Variants in ELOVL7 observed in about 807,000 individuals in gnomAD.
ELOVL7 encodes very long chain fatty acid elongase 7.
In ELOVL7, 27 loss-of-function variants were observed where a neutral mutation model predicts 35.7. The ratio of observed to expected loss-of-function variants is 0.76; its 90% CI spans 0.56 to 1.04. The LOEUF (loss-of-function observed/expected upper bound fraction) is 1.04. Ranked by LOEUF, ELOVL7 falls within the 50% of genes least tolerant of loss-of-function variation. The pLI is 0.00. For synonymous variants in ELOVL7, 113 were observed against 114.6 expected (o/e 0.99, Z 0.09); for missense variants, 327 against 340.8 (o/e 0.96, Z 0.32).
chr5:60,824,566 C>T (rs1746065181), intron 1 of ELOVL7, among the ~76,000 whole-genome samples: 1 of 152,210 alleles, frequency 6.6e-6, no homozygotes, highest in Non-Finnish European at 1.5e-5. Context: ...ATAGGGGAAT[C>T]CTGGCCAGTC....
intron 1 of ELOVL7, among the ~76,000 whole-genome samples, chr5:60,817,387 T>C (rs1262280765): frequency 6.6e-6 from 1 of 151,350 alleles, no homozygotes; most frequent in African/African-American, 2.4e-5. Context: ...TAAATTAGAG[T>C]GAAATATCAT....
intron 1 of ELOVL7, among the ~76,000 whole-genome samples, chr5:60,842,289 G>A (rs748076918): frequency 1.3e-5 from 2 of 152,076 alleles, no homozygotes; most frequent in South Asian, 2.1e-4. Flanking sequence ...ACGGCACCTT[G>A]GAGACCAGGA....
At chr5:60,820,171 C>G (rs1699237751) in intron 1 of ELOVL7, among the ~76,000 whole-genome samples, 1 of 152,074 alleles carries the variant, frequency 6.6e-6, no homozygotes, top group Admixed American at 6.5e-5. Context: ...TGTCCTACAG[C>G]CACAAAAAAA....
At chr5:60,778,693 C>G (rs1743057737) in intron 3 of ELOVL7, among the ~76,000 whole-genome samples, 1 of 152,138 alleles carries the variant, frequency 6.6e-6, no homozygotes, top group South Asian at 2.1e-4. Flanking sequence ...GGTGGGGATA[C>G]AGTCAAACCA....
At chr5:60,791,043 C>T (rs1743905943) in intron 2 of ELOVL7, among the ~76,000 whole-genome samples, 1 of 152,122 alleles carries the variant, frequency 6.6e-6, no homozygotes, top group Non-Finnish European at 1.5e-5. Context: ...ACTTAGAGAG[C>T]TTGACTCACT....
intron 1 of ELOVL7, among the ~76,000 whole-genome samples, chr5:60,813,966 G>A (rs1227324332): frequency 6.6e-6 from 1 of 152,128 alleles, no homozygotes; most frequent in Non-Finnish European, 1.5e-5. Context: ...TTCCTGCCAT[G>A]GGAACTTTGC....
chr5:60,816,652 G>A lies in ELOVL7; in HGVS notation c.-85-17422C>T, dbSNP rs146998260. Among the ~76,000 whole-genome samples the A allele has an allele frequency of 7.9e-5, 12 of 152,294 alleles. No homozygotes were observed. In the East Asian group the frequency reaches 9.6e-4, roughly 12 times the overall value. ...CCTTGGAAAAATGTACAATGATAAT[G>A]CCATGGCAGCTTCTCTTCCAGTTGA... On this transcript the variant is annotated intron_variant, in intron 1 of 8. Coordinates refer to ENST00000508821, the MANE Select transcript of ELOVL7 (RefSeq NM_024930.3).
intron 3 of ELOVL7, among the ~76,000 whole-genome samples, chr5:60,786,955 T>C (rs1359826306): frequency 6.7e-6 from 1 of 149,790 alleles, no homozygotes; most frequent in Non-Finnish European, 1.5e-5. Context: ...TGAGACTCTG[T>C]CTTAAAAAAA....
At chr5:60,789,843 G>C (rs568417349) in intron 2 of ELOVL7, among the ~76,000 whole-genome samples, 105 of 152,224 alleles carry the variant, frequency 6.9e-4, no homozygotes, top group African/African-American at 2.5e-3. Context: ...ATCACTATTT[G>C]AAAAAAGCAA....
intron 1 of ELOVL7, among the ~76,000 whole-genome samples, chr5:60,814,436 A>T (rs1745406927): frequency 6.6e-6 from 1 of 152,172 alleles, no homozygotes; most frequent in Non-Finnish European, 1.5e-5. Context: ...CAGTACAACT[A>T]GGCACATCCC....
rs547215638 is a variant in ELOVL7 at position 60,788,522 on chromosome 5, C to T, written c.-34-1091G>A. ...GGGTGCAGTGGCTCACACCTGTAATCCCAGCACTTTGGGAGACCAAGACAG... is the reference window on the plus strand; with the variant it reads ...GGGTGCAGTGGCTCACACCTGTAATTCCAGCACTTTGGGAGACCAAGACAG... On this transcript the variant is annotated intron_variant, in intron 2 of 8. Transcript: ENST00000508821. Among the ~76,000 whole-genome samples the T allele has an allele frequency of 1.5e-4, 23 of 152,212 alleles. No homozygotes were observed. The South Asian group carries it at 4.8e-3, about 32-fold the overall frequency.
In ELOVL7 at chr5:60,754,843, G is replaced by A; in HGVS notation, c.637-10C>T. 6.2e-7 allele frequency: 1 copy of A among 1,607,878 alleles called. No individual in the cohort carries two copies. The highest frequency in any genetic ancestry group is 1.7e-5 in the Admixed American group (1 of 59,180). On this transcript the variant is annotated splice_polypyrimidine_tract_variant and intron_variant, in intron 8 of 8. Transcript: ENST00000508821. ...CAATAACAAACTGGACCTAAGAAAT[G>A]AAAACGTGAAAAAAAATTATTCAGA...
intron 3 of ELOVL7, among the ~76,000 whole-genome samples, chr5:60,782,400 A>G (rs1282455438): frequency 6.6e-6 from 1 of 152,226 alleles, no homozygotes; most frequent in Non-Finnish European, 1.5e-5. Flanking sequence ...ACTTCCAGAT[A>G]TATATCCAAA....
intron 3 of ELOVL7, among the ~76,000 whole-genome samples, chr5:60,778,458 G>A (rs1282313184): frequency 2.0e-5 from 3 of 152,106 alleles, no homozygotes; most frequent in Non-Finnish European, 2.9e-5. Flanking sequence ...CCTGGGAGAC[G>A]TCAGGAAACT....
intron 3 of ELOVL7, among the ~76,000 whole-genome samples, chr5:60,783,694 C>A (rs1452709407): frequency 1.3e-5 from 2 of 152,126 alleles, no homozygotes; most frequent in Non-Finnish European, 2.9e-5. Flanking sequence ...GCAAGGCACA[C>A]CTCTATTTGA....
intron 1 of ELOVL7, among the ~76,000 whole-genome samples, chr5:60,821,449 C>T (rs1745883236): frequency 6.6e-6 from 1 of 152,228 alleles, no homozygotes; most frequent in Non-Finnish European, 1.5e-5. Context: ...TCAGCAAGCC[C>T]AAGTGCTCCT....
chr5:60,790,076 G>T (rs1410328437), intron 2 of ELOVL7, among the ~76,000 whole-genome samples: 1 of 152,076 alleles, frequency 6.6e-6, no homozygotes, highest in Admixed American at 6.6e-5. Context: ...GGCAGAGGTT[G>T]CAGTGAGCCA....
chr5:60,828,642 C>T (rs1289981673), intron 1 of ELOVL7, among the ~76,000 whole-genome samples: 1 of 152,098 alleles, frequency 6.6e-6, no homozygotes, highest in Non-Finnish European at 1.5e-5. Context: ...TAGGTGAACA[C>T]TGCATTTTGA....
chr5:60,774,557 C>T (rs1257844795), intron 3 of ELOVL7, among the ~76,000 whole-genome samples: 5 of 152,066 alleles, frequency 3.3e-5, no homozygotes, highest in African/African-American at 4.8e-5. Flanking sequence ...AATGGGCAAA[C>T]GCTGGAAGTA....
Sources: gnomAD v4.1 joint callset for allele counts (sites outside exome capture counted in the v4.1 genomes callset) on GRCh38, gnomAD v4.1.1 for gene constraint, MANE v1.5 for transcripts, NCBI Gene and HGNC (gene_info 2026-07-23, HGNC 2026-07-21) for gene names.